Variants in CLPX observed in about 807,000 individuals in gnomAD.
The protein encoded by CLPX is caseinolytic mitochondrial matrix peptidase chaperone subunit X.
A neutral mutation model predicts 76.4 loss-of-function variants in CLPX; 34 were observed. The ratio of observed to expected loss-of-function variants is 0.45; its 90% CI spans 0.34 to 0.59. The LOEUF (loss-of-function observed/expected upper bound fraction) is 0.59, where lower values mean the gene tolerates loss of function less well. CLPX is among the 20% of genes least tolerant of loss of function. The pLI, the probability that CLPX is intolerant of heterozygous loss-of-function variation, is 0.01. For synonymous variants in CLPX, 248 were observed against 270.9 expected, an observed-to-expected ratio of 0.92 and a Z score of 0.83; for missense variants, 613 against 757.0, an observed-to-expected ratio of 0.81 and a Z score of 2.23.
At chr15:65,156,313 G>A (rs953779237) in intron 9 of CLPX, among the ~76,000 whole-genome samples, 3 of 152,216 alleles carry the variant, frequency 2.0e-5, no homozygotes, top group African/African-American at 2.4e-5. Context: ...TTTCCAGCAC[G>A]TAAGTGTGAT....
At chr15:65,164,894 G>A (rs2140628148) in intron 4 of CLPX, among the ~76,000 whole-genome samples, 1 of 152,132 alleles carries the variant, frequency 6.6e-6, no homozygotes, top group African/African-American at 2.4e-5. Flanking sequence ...GGGATTACAG[G>A]CATGAGCCAC....
rs576631408 is a variant in CLPX, at chr15:65,160,092, C to T, written c.716-1341G>A. Among the ~76,000 whole-genome samples, 20 of 152,326 alleles carry T rather than the reference C, an allele frequency of 1.3e-4. No individual in the cohort carries two copies. The East Asian group carries it at 3.7e-3, about 28-fold the overall frequency. ...CCTCCCCAAGTACTGGGATTACAGG[C>T]ATGAGACACCGCGCCTGGCCTAAAT... On this transcript the variant is annotated intron_variant, in intron 6 of 13. Transcript: ENST00000300107.
chr15:65,175,284 G>C (rs971528135), intron 3 of CLPX, among the ~76,000 whole-genome samples: 6 of 152,120 alleles, frequency 3.9e-5, no homozygotes, highest in Non-Finnish European at 5.9e-5. Flanking sequence ...TCAGGAATTC[G>C]AGACCAGCCT....
intron 3 of CLPX, among the ~76,000 whole-genome samples, chr15:65,167,627 G>C (rs2087933851): frequency 6.6e-6 from 1 of 151,518 alleles, no homozygotes; most frequent in African/African-American, 2.4e-5. Context: ...TGTAATCCCA[G>C]CACTTTGGGA....
chr15:65,155,226 A>AG, intron 10 of CLPX, 145 bp from the exon 11 acceptor site: 1 of 810,672 alleles, frequency 1.2e-6, no homozygotes. Flanking sequence ...GGAAAAAAAC[A>AG]GGCTTAGAGA....
chr15:65,183,286 C>T (rs2088202690), intron 1 of CLPX, among the ~76,000 whole-genome samples: 1 of 150,792 alleles, frequency 6.6e-6, no homozygotes. Context: ...CACGGTGAAA[C>T]CCCGTCTCTA....
In CLPX at chr15:65,157,792, T is replaced by C. The variant is rs748528883; in HGVS notation, c.1011A>G (p.Ala337=). The change falls in exon 8 of 14, where the codon GCA becomes GCG. Residue 337 remains alanine, a synonymous_variant. Coordinates refer to ENST00000300107, the MANE Select transcript of CLPX (RefSeq NM_006660.5). Reference sequence around the variant, plus strand: ...TATAATTGGCATCTTGGAGTAGTTTTGCAATCACAGATTCAATATCTTCGC... The same window carrying C: ...TATAATTGGCATCTTGGAGTAGTTTCGCAATCACAGATTCAATATCTTCGC... ...YVGEDIESVI[A]KLLQDANYNV... 1.2e-5 allele frequency: 19 copies of C among 1,614,032 alleles called. No homozygotes were observed. In the African/African-American group the frequency reaches 2.1e-4, roughly 18 times the overall value.
intron 6 of CLPX, among the ~76,000 whole-genome samples, chr15:65,161,134 GTAT>G (rs1359126925): frequency 2.0e-5 from 3 of 152,082 alleles, no homozygotes; most frequent in African/African-American, 7.2e-5. Context: ...GAAGAATCTG[GTAT>G]TATTATTACC....
rs186647987 is a variant in CLPX, at chr15:65,155,522, A to G, written c.1311+170T>C. 1.1e-4 allele frequency among the ~76,000 whole-genome samples: 16 copies of G among 152,328 alleles called. No homozygotes were observed. In the East Asian group the frequency reaches 3.1e-3, roughly 29 times the overall value. ...CTTGGCCTCCCAAAGAACTGGGATT[A>G]TAGGCATTGAGTCACCGCACCCTTC... On this transcript the variant is annotated intron_variant, in intron 10 of 13. Coordinates refer to ENST00000300107, the MANE Select transcript of CLPX (RefSeq NM_006660.5).
rs751757923 is a variant in CLPX, at chr15:65,185,132, T to C, written c.22A>G (p.Thr8Ala). The C allele has an allele frequency of 9.5e-6, 15 of 1,576,042 alleles. No homozygotes were observed. Among genetic ancestry groups the C allele is most frequent in the Admixed American group, 5.7e-5 (3 of 52,922 alleles). MPSCGAC[T>A]CGAAAVRLIT... ...AGCCGGACGGCCGCCGCGCCGCAAGTACAAGCACCGCAGCTGGGCATCTCC... is the reference window on the plus strand; with the variant it reads ...AGCCGGACGGCCGCCGCGCCGCAAGCACAAGCACCGCAGCTGGGCATCTCC... The change falls in exon 1 of 14, where the codon ACT (threonine) becomes GCT (alanine). Residue 8 changes from threonine (T) to alanine (A), a missense_variant. Physicochemically the swap from Thr to Ala is moderately conservative, Grantham distance 58 (BLOSUM62 0). Transcript: ENST00000300107.
rs2087684705 is a variant in CLPX at position 65,148,897 on chromosome 15, T to G, written c.*1926A>C. ...TATTTATGGAATTAAATGATACAAT[T>G]TTCATTAAGACCCCAAATATCCCAC... On this transcript the variant is annotated 3_prime_UTR_variant, in exon 14 of 14. Transcript: ENST00000300107. 6.6e-6 allele frequency: 1 copy of G among 152,150 alleles called. No individual in the cohort carries two copies. Among genetic ancestry groups the G allele is most frequent in the African/African-American group, 2.4e-5 (1 of 41,442 alleles). The allele number at this position is 152,150 out of a possible 1,614,324, so 9.4% of individuals were successfully genotyped here.
intron 1 of CLPX, among the ~76,000 whole-genome samples, chr15:65,181,290 G>A (rs1488628100): frequency 2.0e-5 from 3 of 152,128 alleles, no homozygotes; most frequent in South Asian, 2.1e-4. Context: ...GTAGAATGGC[G>A]GTTCCTGGGG....
chr15:65,178,134 TATCA>T (rs2088113760), intron 3 of CLPX, among the ~76,000 whole-genome samples: 1 of 152,176 alleles, frequency 6.6e-6, no homozygotes. Context: ...CATTAATAAT[TATCA>T]GATGCTTCCC....
intron 13 of CLPX, among the ~76,000 whole-genome samples, chr15:65,152,166 G>T (rs2140608643): frequency 6.6e-6 from 1 of 152,170 alleles, no homozygotes; most frequent in Non-Finnish European, 1.5e-5. Context: ...TTGACCTCGT[G>T]ATCCGCCCAC....
At chr15:65,173,067 C>G (rs983626347) in intron 3 of CLPX, among the ~76,000 whole-genome samples, 5 of 151,912 alleles carry the variant, frequency 3.3e-5, no homozygotes, top group East Asian at 3.9e-4. Flanking sequence ...ACTTCATATC[C>G]ACTATGAATA....
At position 65,170,004 on chromosome 15, in the gene CLPX, G is replaced by A. The variant is rs564949227; in HGVS notation, c.359-3219C>T. ...TCAAATTCCTGACCTCAGGTGATCC[G>A]CCTGCCTCAGCCTCCCAAAGTGCTG... On this transcript the variant is annotated intron_variant, in intron 3 of 13. Coordinates refer to ENST00000300107, the MANE Select transcript of CLPX (RefSeq NM_006660.5). 2.5e-4 allele frequency among the ~76,000 whole-genome samples: 38 copies of A among 151,868 alleles called. 1 individual carries two copies. The South Asian group carries it at 7.1e-3, about 28-fold the overall frequency.
Position 65,185,173 on chromosome 15 carries a change from G to A in CLPX, c.-20C>T. The A allele has an allele frequency of 6.4e-7, 1 of 1,552,674 alleles. No homozygotes were observed. On this transcript the variant is annotated 5_prime_UTR_variant, in exon 1 of 14. Transcript: ENST00000300107. ...GGGCATCTCCGCGAGGCCTAGGCCG[G>A]GGCTTCGCCCCCTGAGGACCTCCGG...
intron 12 of CLPX, among the ~76,000 whole-genome samples, chr15:65,152,909 T>C (rs1235872414): frequency 6.7e-6 from 1 of 149,714 alleles, no homozygotes; most frequent in Admixed American, 6.6e-5. Flanking sequence ...TTTTTTTTTG[T>C]TTGTTTGTTT....
chr15:65,171,958 T>G (rs1243952622), intron 3 of CLPX, among the ~76,000 whole-genome samples: 1 of 152,074 alleles, frequency 6.6e-6, no homozygotes, highest in Non-Finnish European at 1.5e-5. Context: ...AATGCTATTT[T>G]GGGAAAAAAA....
Sources: allele counts gnomAD v4.1 joint callset (sites outside exome capture counted in the v4.1 genomes callset), GRCh38; gene constraint gnomAD v4.1.1; transcripts MANE v1.5; gene names NCBI Gene and HGNC (gene_info 2026-07-23, HGNC 2026-07-21).